SPRY4: variants seen among roughly 807,000 people sequenced by gnomAD.
SPRY4 encodes the protein protein sprouty homolog 4.
Under a neutral mutation model 17.0 loss-of-function variants are expected in SPRY4, and 7 were observed. The ratio of observed to expected loss-of-function variants is 0.41; its 90% CI spans 0.23 to 0.77. The LOEUF is 0.77. SPRY4 is among the 30% of genes least tolerant of loss of function. The pLI, the probability that SPRY4 is intolerant of heterozygous loss-of-function variation, is 0.32. For missense variants in SPRY4, 435 were observed against 419.9 expected (o/e 1.04, Z -0.31); for synonymous variants, 183 against 174.1 (o/e 1.05, Z -0.40).
intron 1 of SPRY4, chr5:142,315,922 G>A (rs1759135829): frequency 6.6e-6 from 1 of 152,094 alleles, no homozygotes; most frequent in Non-Finnish European, 1.5e-5. Context: ...TGCTCCCATG[G>A]AGTTTATCAG....
At position 142,313,829 on chromosome 5, in the gene SPRY4, G is replaced by A. The variant is rs866841709; in HGVS notation, c.*380C>T. The A allele has an allele frequency of 3.4e-4, 66 of 194,506 alleles. 2 individuals carry two copies. The highest frequency in any genetic ancestry group is 2.8e-3 in the South Asian group (24 of 8,574). 12.0% of individuals were successfully genotyped at this position (194,506 alleles called of 1,614,324 possible). A position where few individuals can be genotyped will look rare whatever the true frequency, so the allele number is the denominator to read the frequency against. ...AAAGACAATGGAAAAGAGGAAGGGG[G>A]GGGGGGCGGAGGGAGGGAGGGAGAA... On this transcript the variant is annotated 3_prime_UTR_variant, in exon 2 of 2. Coordinates refer to ENST00000434127, the MANE Select transcript of SPRY4 (RefSeq NM_001127496.3).
chr5:142,323,320 T>G (rs896431651), intron 1 of SPRY4, among the ~76,000 whole-genome samples: 2 of 152,200 alleles, frequency 1.3e-5, no homozygotes, highest in African/African-American at 2.4e-5. Flanking sequence ...GCAAGTTCTT[T>G]GGCCTCCAGT....
chr5:142,323,026 C>T (rs1287568429), intron 1 of SPRY4, among the ~76,000 whole-genome samples: 1 of 148,916 alleles, frequency 6.7e-6, no homozygotes, highest in Non-Finnish European at 1.5e-5. Context: ...TCCTAGCTCT[C>T]CTGACACCCG....
chr5:142,321,515 G>A lies in SPRY4; in HGVS notation c.-48+3329C>T, dbSNP rs146050737. Among the ~76,000 whole-genome samples, 40 of 152,222 alleles carry A rather than the reference G, an allele frequency of 2.6e-4. 1 individual carries two copies. The highest frequency in any genetic ancestry group is 9.1e-4 in the African/African-American group (38 of 41,540). On this transcript the variant is annotated intron_variant, in intron 1 of 1. Coordinates refer to ENST00000434127, the MANE Select transcript of SPRY4 (RefSeq NM_001127496.3). ...TTTCTCCTTTCAGGGAGATAAGGTC[G>A]GCCCTGAGATAGAACCTTCTCCACT...
In SPRY4 at chr5:142,313,114, C is replaced by G. The variant is rs1245571389; in HGVS notation, c.*1095G>C. The G allele has an allele frequency of 6.6e-6, 1 of 152,566 alleles. No individual in the cohort carries two copies. 9.5% of individuals were successfully genotyped at this position (152,566 alleles called of 1,614,324 possible). On this transcript the variant is annotated 3_prime_UTR_variant, in exon 2 of 2. Transcript: ENST00000434127. ...ATTCTGCCAATGGGAGGTGCTGCCT[C>G]TCTTCTTTGCTGTTAAAATCCTCTT...
chr5:142,319,870 C>T, intron 1 of SPRY4: 1 of 1,412,238 alleles, frequency 7.1e-7, no homozygotes, highest in East Asian at 2.4e-5. Context: ...CCACACCCTC[C>T]CCTTGACTTA....
Position 142,314,927 on chromosome 5 carries a change from G to A in SPRY4, c.182C>T (p.Thr61Ile), listed in dbSNP as rs370563724. The change falls in exon 2 of 2, where the codon ACC becomes ATC. Residue 61 changes from threonine to isoleucine, a missense_variant. Transcript: ENST00000434127. The surrounding 1 kb of genome is among the most constrained non-coding windows in gnomAD (Gnocchi z 4.8). ...GCCCCGGGTCCGCTTTGGGCCGGTG[G>A]TCAGGGCCAGGCTAGGGTTGTCTAT... The part of the protein sequence containing the change: ...DYIDNPSLAL[T>I]TGPKRTRGGA... The A allele has an allele frequency of 3.1e-6, 5 of 1,612,944 alleles. No homozygotes were observed. In the African/African-American group the frequency reaches 5.3e-5, roughly 17 times the overall value.
chr5:142,319,777 C>A (rs1227579328), intron 1 of SPRY4: 1 of 1,611,902 alleles, frequency 6.2e-7, no homozygotes, highest in African/African-American at 1.3e-5. Context: ...AGGCTGCAAA[C>A]CGCTCAATAC....
chr5:142,314,181 C>A lies in SPRY4; in HGVS notation c.*28G>T. The A allele has an allele frequency of 1.9e-6, 3 of 1,578,288 alleles. No individual in the cohort carries two copies. The highest frequency in any genetic ancestry group is 2.6e-6 in the Non-Finnish European group (3 of 1,163,990). Reference sequence around the variant, plus strand: ...GTCAGAAGAGAACCAGGTTTCCAGGCAGAGCACTGGGGCTTCGACACAAAC... The same window carrying A: ...GTCAGAAGAGAACCAGGTTTCCAGGAAGAGCACTGGGGCTTCGACACAAAC... On this transcript the variant is annotated 3_prime_UTR_variant, in exon 2 of 2. Transcript: ENST00000434127. The surrounding 1 kb of genome is among the most constrained non-coding windows in gnomAD (Gnocchi z 4.8).
At chr5:142,317,153 TGCAAGTAA>T in intron 1 of SPRY4, 1 of 985,468 alleles carries the variant, frequency 1.0e-6, no homozygotes. Flanking sequence ...AGAGAGGGAA[TGCAAGTAA>T]GCATCTATGG....
chr5:142,322,406 G>A (rs561019252), intron 1 of SPRY4, among the ~76,000 whole-genome samples: 6 of 151,664 alleles, frequency 4.0e-5, no homozygotes, highest in South Asian at 2.1e-4. Context: ...GGGAGGCGGA[G>A]GTTGCAGTGA....
chr5:142,324,013 T>C lies in SPRY4; in HGVS notation c.-48+831A>G, dbSNP rs560415398. On this transcript the variant is annotated intron_variant, in intron 1 of 1. Transcript: ENST00000434127. ...TCCAGCTCCCACACGCCTGGTGTTA[T>C]GTAAACGCACCTTCAACCCCCACCG... The C allele has an allele frequency of 1.5e-4, 23 of 152,538 alleles. 1 individual carries two copies. The highest frequency in any genetic ancestry group is 5.1e-4 in the African/African-American group (21 of 41,436). The allele number at this position is 152,538 out of a possible 1,614,324, so 9.4% of individuals were successfully genotyped here.
In SPRY4 at chr5:142,314,861, T is replaced by C. The variant is rs1759086678; in HGVS notation, c.248A>G (p.Gln83Arg). The change falls in exon 2 of 2, where the codon CAG becomes CGG. Residue 83 changes from glutamine to arginine, a missense_variant. By Grantham distance (43) the Gln-to-Arg change is conservative. Coordinates refer to ENST00000434127, the MANE Select transcript of SPRY4 (RefSeq NM_001127496.3). The surrounding 1 kb of genome is among the most constrained non-coding windows in gnomAD (Gnocchi z 4.8). ...GGAGATCCAATGGTGGGTGACATCCTGGTCACAGCGGGCGGGCGTCGGGGC... is the reference window on the plus strand; with the variant it reads ...GGAGATCCAATGGTGGGTGACATCCCGGTCACAGCGGGCGGGCGTCGGGGC... ...ELAPTPARCD[Q>R]DVTHHWISFS... 2.5e-6 allele frequency: 4 copies of C among 1,592,150 alleles called. No homozygotes were observed. The South Asian group carries it at 3.4e-5, about 14-fold the overall frequency.
intron 1 of SPRY4, 32 bp from the exon 2 acceptor site, chr5:142,315,187 A>C: frequency 1.2e-5 from 17 of 1,402,204 alleles, no homozygotes; most frequent in Non-Finnish European, 1.5e-5. Context: ...GGAAGAGAGA[A>C]TGGATTCCAG....
At chr5:142,315,350 T>C in intron 1 of SPRY4, 195 bp from the exon 2 acceptor site, 1 of 563,374 alleles carries the variant, frequency 1.8e-6, no homozygotes, top group East Asian at 2.8e-5. Flanking sequence ...GTGGAAATAA[T>C]ACTACTGAGC....
At chr5:142,324,332 G>A (rs13356588) in intron 1 of SPRY4, 1 of 152,260 alleles carries the variant, frequency 6.6e-6, no homozygotes, top group Non-Finnish European at 1.5e-5. Context: ...CGAAGAGAAA[G>A]AAAAAATCTA....
rs1263280260 is a variant in SPRY4 at position 142,311,379 on chromosome 5, A to T, written c.*2830T>A. On this transcript the variant is annotated 3_prime_UTR_variant, in exon 2 of 2. Transcript: ENST00000434127. ...GGTTTACCAGGGGCGGGAACTAACC[A>T]GCACTTTTCAAAAAAGGTCAAGCCG... The T allele has an allele frequency of 1.3e-5, 2 of 152,366 alleles. No individual in the cohort carries two copies. The highest frequency in any genetic ancestry group is 2.9e-5 in the Non-Finnish European group (2 of 68,204). 9.4% of individuals were successfully genotyped at this position (152,366 alleles called of 1,614,324 possible).
At position 142,313,885 on chromosome 5, in the gene SPRY4, C is replaced by T; in HGVS notation, c.*324G>A. On this transcript the variant is annotated 3_prime_UTR_variant, in exon 2 of 2. Transcript: ENST00000434127. ...GGCTGGGAAGGCATTCAAGCAGCTG[C>T]AGTTTCCGGATATGTGTCCACATCT... 1 of 246,112 alleles carries T rather than the reference C, an allele frequency of 4.1e-6. No homozygotes were observed. The highest frequency in any genetic ancestry group is 7.9e-6 in the Non-Finnish European group (1 of 126,310). The allele number at this position is 246,112 out of a possible 1,614,324, so 15.2% of individuals were successfully genotyped here. A position where few individuals can be genotyped will look rare whatever the true frequency, so the allele number is the denominator to read the frequency against.
chr5:142,314,288 C>A lies in SPRY4; in HGVS notation c.821G>T (p.Arg274Leu). The part of the protein sequence containing the change: ...GYDRLRRPGC[R>L]CKHTNSVICK... ...GATGACGCTGTTCGTGTGCTTGCAG[C>A]GGCAACCAGGGCGGCGCAGACGGTC... The change falls in exon 2 of 2, where the codon CGC becomes CTC. Residue 274 changes from arginine to leucine, a missense_variant. Physicochemically the swap from Arg to Leu is moderately radical, Grantham distance 102. Coordinates refer to ENST00000434127, the MANE Select transcript of SPRY4 (RefSeq NM_001127496.3). The surrounding 1 kb of genome is among the most constrained non-coding windows in gnomAD (Gnocchi z 4.8). The A allele has an allele frequency of 6.2e-7, 1 of 1,613,674 alleles. No homozygotes were observed.
Sources: allele counts gnomAD v4.1 joint callset (sites outside exome capture counted in the v4.1 genomes callset), GRCh38; gene constraint gnomAD v4.1.1; non-coding constraint Gnocchi (gnomAD v3.1); transcripts MANE v1.5; gene names NCBI Gene and HGNC (gene_info 2026-07-23, HGNC 2026-07-21).